Variants in PLEKHA6 observed in about 807,000 individuals in gnomAD.
PLEKHA6 encodes the protein pleckstrin homology domain-containing family A member 6.
PLEKHA6 carries 60 observed loss-of-function variants against 116.7 expected under a neutral mutation model. The observed-to-expected ratio is 0.51, with a 90% CI of 0.42 to 0.64. The LOEUF is 0.64. Ranked by LOEUF, PLEKHA6 falls within the 30% of genes least tolerant of loss-of-function variation. The pLI is 0.00. For missense variants in PLEKHA6, 1,338 were observed against 1,422.7 expected, an observed-to-expected ratio of 0.94 and a Z score of 0.96; for synonymous variants, 489 against 556.1, an observed-to-expected ratio of 0.88 and a Z score of 1.70.
At chr1:204,272,165 T>C (rs1667527452) in intron 3 of PLEKHA6, among the ~76,000 whole-genome samples, 1 of 152,188 alleles carries the variant, frequency 6.6e-6, no homozygotes, top group Non-Finnish European at 1.5e-5. Context: ...CTCCTACTTT[T>C]CTGCACAAGT....
chr1:204,360,092 C>T (rs1204115392), upstream of PLEKHA6, among the ~76,000 whole-genome samples: 4 of 152,268 alleles, frequency 2.6e-5, no homozygotes, highest in South Asian at 6.2e-4. Context: ...AGCCTGCCTG[C>T]CCGGGAGAGG....
chr1:204,243,554 C>T (rs914156616), intron 15 of PLEKHA6, among the ~76,000 whole-genome samples: 2 of 152,156 alleles, frequency 1.3e-5, no homozygotes, highest in Non-Finnish European at 2.9e-5. Flanking sequence ...CCAGGCAGCT[C>T]CTCTCCCACC....
At chr1:204,350,617 A>G (rs536848554) in intron 1 of PLEKHA6, among the ~76,000 whole-genome samples, 16 of 152,228 alleles carry the variant, frequency 1.1e-4, no homozygotes, top group African/African-American at 3.9e-4. Flanking sequence ...ACTGCTCCCA[A>G]ACGTGTGCTC....
At chr1:204,236,277 G>T (rs1662039111) in intron 17 of PLEKHA6, among the ~76,000 whole-genome samples, 1 of 152,190 alleles carries the variant, frequency 6.6e-6, no homozygotes, top group African/African-American at 2.4e-5. Flanking sequence ...ATGGATAAAA[G>T]ATGGCCCACT....
chr1:204,235,599 G>C (rs1661926445), intron 17 of PLEKHA6, among the ~76,000 whole-genome samples: 1 of 152,188 alleles, frequency 6.6e-6, no homozygotes, highest in South Asian at 2.1e-4. Context: ...TGCATGCACA[G>C]CCTTGCCAGG....
At position 204,241,805 on chromosome 1, in the gene PLEKHA6, T is replaced by C. The variant is rs1304657629; in HGVS notation, c.2182A>G (p.Asn728Asp). 8 of 1,614,064 alleles carry C rather than the reference T, an allele frequency of 5.0e-6. No homozygotes were observed. The highest frequency in any genetic ancestry group is 6.8e-6 in the Non-Finnish European group (8 of 1,180,028). Residue 728 changes from asparagine to aspartate, a missense_variant, in exon 16 of 23, where the codon AAC (asparagine) becomes GAC (aspartate). Physicochemically the swap from Asn to Asp is conservative, Grantham distance 23 (BLOSUM62 1). Transcript: ENST00000272203. ...TKPGSNEPKANYEQSKKDPHQ... is the reference protein window; with the variant it reads ...TKPGSNEPKADYEQSKKDPHQ... ...GGGTCTTTCTTGCTTTGTTCATAGT[T>C]TGCCTTGGGCTGGGGAGAAAGGGTG...
intron 1 of PLEKHA6, among the ~76,000 whole-genome samples, chr1:204,315,431 G>A (rs1671822501): frequency 6.6e-6 from 1 of 152,162 alleles, no homozygotes. Context: ...TTCCCCGAAA[G>A]GCCTTAGGCA....
At chr1:204,315,476 C>A (rs931834484) in intron 1 of PLEKHA6, among the ~76,000 whole-genome samples, 5 of 152,226 alleles carry the variant, frequency 3.3e-5, no homozygotes, top group African/African-American at 1.2e-4. Context: ...CCTTCCCTCT[C>A]CCCCAGATGC....
At chr1:204,251,441 C>T (rs1366471344) in intron 9 of PLEKHA6, 10 of 653,118 alleles carry the variant, frequency 1.5e-5, no homozygotes, top group Non-Finnish European at 2.5e-5. Flanking sequence ...GGTTGGGTGG[C>T]GTGAGCCTCA....
Position 204,244,856 on chromosome 1 carries a change from C to G in PLEKHA6, c.2172+8G>C. The G allele has an allele frequency of 6.4e-7, 1 of 1,563,438 alleles. No homozygotes were observed. Among genetic ancestry groups the G allele is most frequent in the Non-Finnish European group, 8.7e-7 (1 of 1,153,134 alleles). On this transcript the variant is annotated splice_region_variant and intron_variant, in intron 15 of 22. Transcript: ENST00000272203. Reference sequence around the variant, plus strand: ...CCCACCTACCTTCTACTCCATTTCTCAACTTACCTCGTTGGAGCCAGGCTT... The same window carrying G: ...CCCACCTACCTTCTACTCCATTTCTGAACTTACCTCGTTGGAGCCAGGCTT...
chr1:204,367,296 G>A (rs1294708140), intron 3 of PLEKHA6, among the ~76,000 whole-genome samples: 1 of 152,156 alleles, frequency 6.6e-6, no homozygotes, highest in Non-Finnish European at 1.5e-5. Context: ...GGGCATCTCC[G>A]CCCACACAAA....
At chr1:204,317,862 T>C (rs1671918509) in intron 1 of PLEKHA6, among the ~76,000 whole-genome samples, 1 of 152,256 alleles carries the variant, frequency 6.6e-6, no homozygotes, top group Non-Finnish European at 1.5e-5. Context: ...TTAATCTTTC[T>C]ATGCTTCCAT....
In PLEKHA6 at chr1:204,372,385, G is replaced by A. The variant is rs1018135933; in HGVS notation, c.84-779C>T. 1.3e-4 allele frequency among the ~76,000 whole-genome samples: 20 copies of A among 152,050 alleles called. No individual in the cohort carries two copies. In the East Asian group the frequency reaches 1.9e-3, roughly 15 times the overall value. ...CCATCATCATTTCTCAATCCCCACC[G>A]ACCAAGTGACACAGACTTCCAGAGC... On this transcript the variant is annotated intron_variant, in intron 1 of 4. Transcript: ENST00000564627.
intron 1 of PLEKHA6, chr1:204,309,825 G>T (rs2103146212): frequency 2.8e-6 from 1 of 353,358 alleles, no homozygotes; most frequent in African/African-American, 2.2e-5. Context: ...TAAAGGGTTA[G>T]ATATATATTT....
intron 3 of PLEKHA6, among the ~76,000 whole-genome samples, chr1:204,366,413 G>T (rs1167290979): frequency 6.6e-6 from 1 of 151,928 alleles, no homozygotes; most frequent in Non-Finnish European, 1.5e-5. Context: ...AGGAACAAAA[G>T]AAAAAGAAAA....
intron 17 of PLEKHA6, among the ~76,000 whole-genome samples, chr1:204,235,896 C>T (rs1319169815): frequency 6.6e-6 from 1 of 152,190 alleles, no homozygotes; most frequent in Non-Finnish European, 1.5e-5. Context: ...GTCAAGGCCT[C>T]CCCTGAAGCA....
chr1:204,248,750 AGCT>A (rs2102640322), intron 12 of PLEKHA6, 68 bp downstream of exon 12: 2 of 1,433,590 alleles, frequency 1.4e-6, no homozygotes, highest in East Asian at 4.6e-5. Flanking sequence ...GGACAGCACA[AGCT>A]GGGAGGTGGT....
intron 1 of PLEKHA6, among the ~76,000 whole-genome samples, chr1:204,349,497 C>G (rs1039274883): frequency 6.7e-6 from 1 of 149,052 alleles, no homozygotes; most frequent in Non-Finnish European, 1.5e-5. Flanking sequence ...GCCAAGATCA[C>G]GCCACTGCGC....
chr1:204,346,130 C>T (rs994822219), intron 1 of PLEKHA6, among the ~76,000 whole-genome samples: 1 of 152,184 alleles, frequency 6.6e-6, no homozygotes, highest in African/African-American at 2.4e-5. Context: ...TGGATAGCCC[C>T]CTCCTCAATC....
Sources: allele counts gnomAD v4.1 joint callset (sites outside exome capture counted in the v4.1 genomes callset), GRCh38; gene constraint gnomAD v4.1.1; transcripts MANE v1.5; gene names NCBI Gene and HGNC (gene_info 2026-07-23, HGNC 2026-07-21).